The following CBFB variants were observed in gnomAD, a reference collection of about 807,000 sequenced individuals.
CBFB encodes core-binding factor subunit beta.
CBFB carries 9 observed loss-of-function variants against 30.4 expected under a neutral mutation model. The ratio of observed to expected loss-of-function variants is 0.30; its 90% CI spans 0.18 to 0.52. The LOEUF (loss-of-function observed/expected upper bound fraction) is 0.52, where lower values mean the gene tolerates loss of function less well. Ranked by LOEUF, CBFB falls within the 20% of genes least tolerant of loss-of-function variation. The pLI is 0.97. For synonymous variants in CBFB, 94 were observed against 84.0 expected (o/e 1.12, Z -0.65); for missense variants, 170 against 244.0 (o/e 0.70, Z 2.02).
At chr16:67,054,895 G>C (rs930888024) in intron 3 of CBFB, among the ~76,000 whole-genome samples, 3 of 151,624 alleles carry the variant, frequency 2.0e-5, no homozygotes, top group South Asian at 4.2e-4. Context: ...GCTGGGACTA[G>C]AGGTGCCCAC....
intron 3 of CBFB, among the ~76,000 whole-genome samples, chr16:67,065,397 A>T (rs1961024896): frequency 1.3e-5 from 2 of 152,236 alleles, no homozygotes; most frequent in Admixed American, 1.3e-4. Context: ...TATTTCTCTA[A>T]TGTGTAAGTA....
chr16:67,095,117 C>T (rs183622611), intron 5 of CBFB, among the ~76,000 whole-genome samples: 2 of 139,686 alleles, frequency 1.4e-5, no homozygotes, highest in Non-Finnish European at 3.0e-5. Context: ...GGCTGAGGCA[C>T]GAGAATTGTT....
intron 4 of CBFB, among the ~76,000 whole-genome samples, chr16:67,067,890 G>A (rs936281322): frequency 4.6e-5 from 7 of 152,346 alleles, no homozygotes; most frequent in African/African-American, 1.7e-4. Context: ...GATAGGTAAA[G>A]TAGACCCTAC....
At chr16:67,053,137 T>G (rs1960607612) in intron 3 of CBFB, among the ~76,000 whole-genome samples, 1 of 152,094 alleles carries the variant, frequency 6.6e-6, no homozygotes, top group Non-Finnish European at 1.5e-5. Flanking sequence ...TCATTTTATT[T>G]CCTGTGCATA....
At chr16:67,054,934 T>TG (rs1960670974) in intron 3 of CBFB, among the ~76,000 whole-genome samples, 1 of 151,450 alleles carries the variant, frequency 6.6e-6, no homozygotes, top group Non-Finnish European at 1.5e-5. Flanking sequence ...TTTTGTATTT[T>TG]TTTTTTTTTT....
intron 5 of CBFB, among the ~76,000 whole-genome samples, chr16:67,094,148 G>T (rs1961975747): frequency 6.8e-6 from 1 of 147,770 alleles, no homozygotes; most frequent in Non-Finnish European, 1.5e-5. Flanking sequence ...TAAAGAGATG[G>T]GGATCTCACT....
At chr16:67,053,633 C>T (rs920970700) in intron 3 of CBFB, among the ~76,000 whole-genome samples, 17 of 151,970 alleles carry the variant, frequency 1.1e-4, no homozygotes, top group African/African-American at 4.1e-4. Context: ...TTCAGCTTCC[C>T]TGTGAATTTT....
intron 4 of CBFB, among the ~76,000 whole-genome samples, chr16:67,071,715 A>C (rs1945101803): frequency 6.6e-6 from 1 of 152,184 alleles, no homozygotes; most frequent in African/African-American, 2.4e-5. Context: ...GATTGTGGGC[A>C]GTTGAATGGG....
In CBFB at chr16:67,077,060, A is replaced by G. The variant is rs1044270092; in HGVS notation, c.400-5153A>G. Among the ~76,000 whole-genome samples, 6 of 152,320 alleles carry G rather than the reference A, an allele frequency of 3.9e-5. No homozygotes were observed. The South Asian group carries it at 8.3e-4, about 21-fold the overall frequency. ...TGCAGTTATAAATTATATGTGTACC[A>G]CTACTAGTTCCTAGTAGATTTCTAA... is the stretch of plus-strand genomic sequence containing the variant. On this transcript the variant is annotated intron_variant, in intron 4 of 5. Coordinates refer to ENST00000412916, the MANE Select transcript of CBFB (RefSeq NM_022845.3).
rs1567614346 is a variant in CBFB, at chr16:67,063,194, C to T, written c.283-3488C>T. Among the ~76,000 whole-genome samples the T allele has an allele frequency of 2.0e-5, 3 of 152,154 alleles. No individual in the cohort carries two copies. In the South Asian group the frequency reaches 6.2e-4, roughly 31 times the overall value. On this transcript the variant is annotated intron_variant, in intron 3 of 5. Transcript: ENST00000412916. ...GCACATTGGTGGAGTTTTAAATGCA[C>T]AGTGTGGAAGGGAATGAGCACTTAT...
chr16:67,038,551 G>A (rs1966481381), intron 3 of CBFB, among the ~76,000 whole-genome samples: 1 of 152,052 alleles, frequency 6.6e-6, no homozygotes, highest in African/African-American at 2.4e-5. Flanking sequence ...CTGTGTATTA[G>A]CTTGTTTGCT....
chr16:67,077,067 G>A (rs1311062332), intron 4 of CBFB, among the ~76,000 whole-genome samples: 1 of 152,082 alleles, frequency 6.6e-6, no homozygotes, highest in Non-Finnish European at 1.5e-5. Flanking sequence ...ACCACTACTA[G>A]TTCCTAGTAG....
chr16:67,039,083 A>G (rs926370408), intron 3 of CBFB, among the ~76,000 whole-genome samples: 1 of 152,180 alleles, frequency 6.6e-6, no homozygotes, highest in African/African-American at 2.4e-5. Context: ...TGTTCTGGGA[A>G]ATGTGTTGCT....
intron 3 of CBFB, 37 bp downstream of exon 3, chr16:67,036,792 G>A (rs572207927): frequency 1.5e-5 from 18 of 1,165,842 alleles, no homozygotes; most frequent in African/African-American, 3.0e-5. Context: ...AATACTGTGG[G>A]TTGTTTTGTT....
chr16:67,096,143 C>T (rs954976463), intron 5 of CBFB, among the ~76,000 whole-genome samples: 2 of 151,978 alleles, frequency 1.3e-5, no homozygotes, highest in African/African-American at 4.8e-5. Flanking sequence ...AACCCCATCA[C>T]TACTAAAAAT....
intron 5 of CBFB, among the ~76,000 whole-genome samples, chr16:67,091,769 T>TG (rs1434842471): frequency 6.6e-6 from 1 of 152,236 alleles, no homozygotes; most frequent in Non-Finnish European, 1.5e-5. Context: ...CTGTGATACA[T>TG]GCGCAGAATG....
intron 2 of CBFB, among the ~76,000 whole-genome samples, chr16:67,035,010 CTT>C (rs76566336): frequency 6.9e-6 from 1 of 145,148 alleles, no homozygotes; most frequent in Non-Finnish European, 1.5e-5. Context: ...CTCCCAGAAA[CTT>C]TTTTTTTTTT....
intron 3 of CBFB, among the ~76,000 whole-genome samples, chr16:67,042,585 C>G (rs1005443186): frequency 6.6e-6 from 1 of 152,004 alleles, no homozygotes; most frequent in South Asian, 2.1e-4. Context: ...GCCTCAGTGT[C>G]TCTCATGAGG....
chr16:67,096,716 T>C (rs888111416), intron 5 of CBFB, among the ~76,000 whole-genome samples: 1 of 152,092 alleles, frequency 6.6e-6, no homozygotes, highest in Non-Finnish European at 1.5e-5. Context: ...GGCTCACTCC[T>C]GTAATCCCAG....
Sources: allele counts gnomAD v4.1 joint callset (sites outside exome capture counted in the v4.1 genomes callset), GRCh38; gene constraint gnomAD v4.1.1; transcripts MANE v1.5; gene names NCBI Gene and HGNC (gene_info 2026-07-23, HGNC 2026-07-21).